Variants in LIPC observed in about 807,000 individuals in gnomAD.
LIPC encodes the protein lipase C, hepatic type.
LIPC carries 44 observed loss-of-function variants against 50.7 expected under a neutral mutation model. The ratio of observed to expected loss-of-function variants is 0.87; its 90% CI spans 0.68 to 1.11. The LOEUF (loss-of-function observed/expected upper bound fraction) is 1.11, where lower values mean the gene tolerates loss of function less well. Among genes scored for constraint, LIPC ranks in the 50% most tolerant of loss-of-function variants. The pLI, the probability that LIPC is intolerant of heterozygous loss-of-function variation, is 0.00. For synonymous variants in LIPC, 271 were observed against 256.4 expected (o/e 1.06, Z -0.54); for missense variants, 697 against 648.2 (o/e 1.08, Z -0.82).
chr15:58,436,469 C>T, intron 1 of LIPC: 1 of 257,880 alleles, frequency 3.9e-6, no homozygotes, highest in Non-Finnish European at 7.8e-6. Context: ...ATTTGAATAT[C>T]TTAAAGTTAA....
chr15:58,500,311 T>C (rs1891937823), intron 1 of LIPC, among the ~76,000 whole-genome samples: 1 of 151,972 alleles, frequency 6.6e-6, no homozygotes, highest in African/African-American at 2.4e-5. Flanking sequence ...GATGATTTTG[T>C]GAGATGTAAG....
At chr15:58,528,662 A>G (rs1451767059) in intron 1 of LIPC, among the ~76,000 whole-genome samples, 6 of 151,970 alleles carry the variant, frequency 3.9e-5, no homozygotes, top group African/African-American at 1.5e-4. Context: ...GCACCACCAT[A>G]CCCAGCTAGA....
intron 1 of LIPC, chr15:58,454,695 GA>G (rs1894044304): frequency 6.6e-6 from 1 of 152,260 alleles, no homozygotes; most frequent in Admixed American, 6.5e-5. Context: ...TCAAGTTTAA[GA>G]CTTCTGATGC....
chr15:58,438,387 T>A (rs535932483), intron 1 of LIPC, among the ~76,000 whole-genome samples: 1 of 152,202 alleles, frequency 6.6e-6, no homozygotes, highest in South Asian at 2.1e-4. Context: ...GCCAGGAAGG[T>A]ACTGTGCGCT....
chr15:58,432,342 G>T, intron 1 of LIPC: 1 of 584,566 alleles, frequency 1.7e-6, no homozygotes, highest in South Asian at 2.0e-5. Context: ...TTCTAAGAGT[G>T]CCTGCAGCTA....
At chr15:58,490,729 G>T (rs1891557856) in intron 1 of LIPC, among the ~76,000 whole-genome samples, 2 of 152,198 alleles carry the variant, frequency 1.3e-5, no homozygotes, top group African/African-American at 4.8e-5. Flanking sequence ...GGCTGGGAGT[G>T]GGTGGAGCGC....
In LIPC at chr15:58,563,605, G is replaced by T; in HGVS notation, c.1270G>T (p.Ala424Ser). ...GATCAAGTTCAAGTGGGAAAACAGT[G>T]CAGTGTGGGCCAATGTCTGGGACAC... ...IMIKFKWENS[A>S]VWANVWDTVQ... is the part of the protein sequence containing the mutation. The change falls in exon 8 of 9, where the codon GCA becomes TCA. Residue 424 changes from alanine (A) to serine (S), a missense_variant. Transcript: ENST00000299022. The T allele has an allele frequency of 6.2e-7, 1 of 1,614,196 alleles. No homozygotes were observed.
At chr15:58,508,251 G>A (rs950053271) in intron 1 of LIPC, among the ~76,000 whole-genome samples, 2 of 151,956 alleles carry the variant, frequency 1.3e-5, no homozygotes, top group Non-Finnish European at 2.9e-5. Flanking sequence ...TGGGGGGTAG[G>A]GAGTGAAGAT....
chr15:58,452,934 T>C (rs1053418245), intron 1 of LIPC, among the ~76,000 whole-genome samples: 13 of 152,204 alleles, frequency 8.5e-5, no homozygotes, highest in African/African-American at 3.1e-4. Context: ...TGTGAAGATG[T>C]GGATGTGGTT....
intron 1 of LIPC, among the ~76,000 whole-genome samples, chr15:58,459,794 C>A (rs1894273423): frequency 6.6e-6 from 1 of 152,238 alleles, no homozygotes; most frequent in African/African-American, 2.4e-5. Flanking sequence ...GCTCCCTTAC[C>A]CCTTGGGGGA....
At chr15:58,518,298 C>G (rs1294818905) in intron 1 of LIPC, among the ~76,000 whole-genome samples, 3 of 152,184 alleles carry the variant, frequency 2.0e-5, no homozygotes, top group Non-Finnish European at 2.9e-5. Context: ...CAGTTGAAAA[C>G]CACTGCCCTA....
At chr15:58,550,148 A>G (rs796918368) in intron 6 of LIPC, among the ~76,000 whole-genome samples, 30 of 152,332 alleles carry the variant, frequency 2.0e-4, no homozygotes, top group African/African-American at 6.3e-4. Context: ...GGGGCCTCCA[A>G]AGAGTGAGCA....
chr15:58,561,074 C>T, intron 7 of LIPC, 93 bp downstream of exon 7: 2 of 782,714 alleles, frequency 2.6e-6, no homozygotes, highest in Admixed American at 3.5e-5. Flanking sequence ...GTCAGGCCAG[C>T]TACAACTACT....
intron 1 of LIPC, among the ~76,000 whole-genome samples, chr15:58,460,850 A>G (rs1209059314): frequency 6.6e-5 from 10 of 152,330 alleles, no homozygotes; most frequent in South Asian, 2.1e-4. Flanking sequence ...GCGTAGTCCC[A>G]TGGCCTCTTT....
intron 1 of LIPC, among the ~76,000 whole-genome samples, chr15:58,454,108 A>T (rs995131290): frequency 6.6e-6 from 1 of 152,116 alleles, no homozygotes; most frequent in Non-Finnish European, 1.5e-5. Context: ...CAAGATGGGA[A>T]CCCAGCCCAG....
intron 1 of LIPC, among the ~76,000 whole-genome samples, chr15:58,499,480 C>T (rs80355216): frequency 2.8e-4 from 42 of 152,314 alleles, no homozygotes; most frequent in African/African-American, 9.9e-4. Context: ...CCTGAAGCAG[C>T]TTTCATAATT....
chr15:58,493,168 T>C lies in LIPC; in HGVS notation c.89-45165T>C, dbSNP rs138630013. Among the ~76,000 whole-genome samples, 194 of 152,218 alleles carry C rather than the reference T, an allele frequency of 1.3e-3. 1 individual carries two copies. Among genetic ancestry groups the C allele is most frequent in the African/African-American group, 3.7e-3 (155 of 41,542 alleles). Reference sequence around the variant, plus strand: ...CCAAAAGAACCCATACCCTCATCAGTGATGACTCAGCAAAATCAACTTCAC... The same window carrying C: ...CCAAAAGAACCCATACCCTCATCAGCGATGACTCAGCAAAATCAACTTCAC... On this transcript the variant is annotated intron_variant, in intron 1 of 8. Transcript: ENST00000299022.
chr15:58,440,601 C>G (rs1279655860), intron 1 of LIPC, among the ~76,000 whole-genome samples: 1 of 152,218 alleles, frequency 6.6e-6, no homozygotes, highest in African/African-American at 2.4e-5. Flanking sequence ...GGGTCTCTAG[C>G]CCCTTATGGG....
intron 1 of LIPC, among the ~76,000 whole-genome samples, chr15:58,509,744 A>G (rs4775065): frequency 0.71 from 107,619 of 151,906 alleles, 38,362 homozygotes; most frequent in Middle Eastern, 0.79. Flanking sequence ...CTGCTTGGTG[A>G]CCAAGAATCA....
Sources: gnomAD v4.1 joint callset for allele counts (sites outside exome capture counted in the v4.1 genomes callset) on GRCh38, gnomAD v4.1.1 for gene constraint, MANE v1.5 for transcripts, NCBI Gene and HGNC (gene_info 2026-07-23, HGNC 2026-07-21) for gene names.